SLC14A2: variants seen among roughly 807,000 people sequenced by gnomAD.
SLC14A2 encodes urea transporter 2.
SLC14A2 carries 91 observed loss-of-function variants against 104.6 expected under a neutral mutation model. That is an observed-to-expected ratio of 0.87 (90% CI 0.73 to 1.04). The LOEUF (loss-of-function observed/expected upper bound fraction) is 1.04. SLC14A2 is among the 50% of genes least tolerant of loss of function. The pLI is 0.00. For synonymous variants in SLC14A2, 476 were observed against 466.4 expected, an observed-to-expected ratio of 1.02 and a Z score of -0.27; for missense variants, 1,189 against 1,156.0, an observed-to-expected ratio of 1.03 and a Z score of -0.41.
At chr18:45,480,704 G>T (rs2087475856) in intron 1 of SLC14A2, among the ~76,000 whole-genome samples, 1 of 152,184 alleles carries the variant, frequency 6.6e-6, no homozygotes, top group African/African-American at 2.4e-5. Flanking sequence ...TCCCCTGGGG[G>T]CCTGCATGGG....
chr18:45,629,811 C>T (rs1401574138), intron 4 of SLC14A2, among the ~76,000 whole-genome samples: 1 of 152,214 alleles, frequency 6.6e-6, no homozygotes, highest in Non-Finnish European at 1.5e-5. Context: ...GATAAATATG[C>T]ATCAGATAAA....
chr18:45,640,674 T>C (rs982582840), intron 7 of SLC14A2, among the ~76,000 whole-genome samples: 3 of 152,170 alleles, frequency 2.0e-5, no homozygotes, highest in South Asian at 2.1e-4. Flanking sequence ...GTATTTTTTA[T>C]TTGGAAATAG....
the SLC14A2 span, among the ~76,000 whole-genome samples, chr18:45,197,168 C>A: frequency 6.6e-6 from 1 of 152,202 alleles, no homozygotes; most frequent in Non-Finnish European, 1.5e-5. Flanking sequence ...AACTAAGTCT[C>A]TTAAGCTGGG....
intron 1 of SLC14A2, among the ~76,000 whole-genome samples, chr18:45,349,990 C>CTTCT (rs1041527202): frequency 6.6e-6 from 1 of 152,154 alleles, no homozygotes; most frequent in African/African-American, 2.4e-5. Flanking sequence ...TTTTATTGAG[C>CTTCT]TTCTACTATT....
chr18:45,253,632 T>G (rs540735144), intron 1 of SLC14A2, among the ~76,000 whole-genome samples: 32 of 152,134 alleles, frequency 2.1e-4, no homozygotes, highest in Non-Finnish European at 4.0e-4. Flanking sequence ...AGGATTAAAT[T>G]TTCATTTAAT....
At chr18:45,173,333 A>AAC in the SLC14A2 span, among the ~76,000 whole-genome samples, 1 of 152,166 alleles carries the variant, frequency 6.6e-6, no homozygotes, top group Non-Finnish European at 1.5e-5. Flanking sequence ...ATGAGACATC[A>AAC]TATAGGATGC....
intron 1 of SLC14A2, among the ~76,000 whole-genome samples, chr18:45,378,809 C>A (rs1379840001): frequency 1.3e-5 from 2 of 151,926 alleles, no homozygotes; most frequent in African/African-American, 2.4e-5. Flanking sequence ...CTGGGTTTTG[C>A]CATGTTGGCC....
chr18:45,327,666 C>G (rs534758009), intron 1 of SLC14A2, among the ~76,000 whole-genome samples: 24 of 152,254 alleles, frequency 1.6e-4, no homozygotes, highest in African/African-American at 5.8e-4. Flanking sequence ...TTCTTTCACA[C>G]AGCATAAGGT....
chr18:45,508,107 G>T (rs2043311480), intron 2 of SLC14A2, among the ~76,000 whole-genome samples: 1 of 152,208 alleles, frequency 6.6e-6, no homozygotes, highest in Non-Finnish European at 1.5e-5. Flanking sequence ...AGGCATCTCA[G>T]AACTCTGAAA....
chr18:45,616,042 G>A (rs891520323), intron 1 of SLC14A2, among the ~76,000 whole-genome samples: 4 of 152,148 alleles, frequency 2.6e-5, no homozygotes, highest in Admixed American at 6.5e-5. Flanking sequence ...GGTAGCTGTG[G>A]GACCTCAGGA....
chr18:45,245,101 C>T (rs1204982289), intron 1 of SLC14A2, among the ~76,000 whole-genome samples: 4 of 152,188 alleles, frequency 2.6e-5, no homozygotes, highest in Non-Finnish European at 4.4e-5. Flanking sequence ...CCTGTGATTC[C>T]TTCCATCCTA....
intron 1 of SLC14A2, among the ~76,000 whole-genome samples, chr18:45,470,136 G>GT (rs1347486395): frequency 1.3e-5 from 2 of 151,980 alleles, no homozygotes; most frequent in African/African-American, 4.8e-5. Context: ...CTGTTGCTAT[G>GT]TTTTTTTGGT....
chr18:45,637,644 A>G (rs1039388960), intron 6 of SLC14A2, among the ~76,000 whole-genome samples: 1 of 152,164 alleles, frequency 6.6e-6, no homozygotes, highest in Non-Finnish European at 1.5e-5. Flanking sequence ...TCTCTCTCTT[A>G]GTGGTTCTCA....
intron 1 of SLC14A2, among the ~76,000 whole-genome samples, chr18:45,215,477 G>A (rs1599579311): frequency 6.6e-6 from 1 of 152,086 alleles, no homozygotes; most frequent in Non-Finnish European, 1.5e-5. Context: ...TGAATTTTAA[G>A]AAAATAGGAA....
chr18:45,206,972 C>T, the SLC14A2 span, among the ~76,000 whole-genome samples: 1 of 152,086 alleles, frequency 6.6e-6, no homozygotes, highest in Non-Finnish European at 1.5e-5. Context: ...GTGTATTGCC[C>T]CAGTAGGACA....
chr18:45,451,573 A>G (rs1052068775), intron 1 of SLC14A2, among the ~76,000 whole-genome samples: 3 of 152,190 alleles, frequency 2.0e-5, no homozygotes, highest in Admixed American at 6.5e-5. Context: ...CCCAAAATTG[A>G]ATATAAAAGC....
At chr18:45,250,755 C>CTTTTT (rs67864793) in intron 1 of SLC14A2, among the ~76,000 whole-genome samples, 1,040 of 93,782 alleles carry the variant, frequency 0.011, 11 homozygotes, top group Non-Finnish European at 0.015. Context: ...TGGCTTCTTC[C>CTTTTT]TTTTTTTTTT....
upstream of SLC14A2, among the ~76,000 whole-genome samples, chr18:45,211,407 T>C (rs1426109354): frequency 6.6e-6 from 1 of 152,222 alleles, no homozygotes; most frequent in East Asian, 1.9e-4. Context: ...AAAAATAGAA[T>C]GATCTGCAGT....
intron 1 of SLC14A2, among the ~76,000 whole-genome samples, chr18:45,262,275 G>T (rs1244099780): frequency 2.1e-4 from 32 of 152,096 alleles, no homozygotes; most frequent in Admixed American, 2.1e-3. Flanking sequence ...TCATTTTATA[G>T]ATTAGGAAAT....
Sources: gnomAD v4.1 joint callset for allele counts (sites outside exome capture counted in the v4.1 genomes callset) on GRCh38, gnomAD v4.1.1 for gene constraint, MANE v1.5 for transcripts, NCBI Gene and HGNC (gene_info 2026-07-23, HGNC 2026-07-21) for gene names.